The following NALCN variants were observed in gnomAD, a reference collection of about 807,000 sequenced individuals.
The protein encoded by NALCN is sodium leak channel, non-selective.
NALCN carries 111 observed loss-of-function variants against 225.3 expected under a neutral mutation model. The ratio of observed to expected loss-of-function variants is 0.49; its 90% CI spans 0.42 to 0.58. The LOEUF (loss-of-function observed/expected upper bound fraction) is 0.58. NALCN is among the 20% of genes least tolerant of loss of function. The probability of loss-of-function intolerance (pLI) is 0.00; values close to 1 mark genes in which losing one functional copy is unlikely to be tolerated. For missense variants in NALCN, 1,378 were observed against 2,202.4 expected (o/e 0.63, Z 7.49); for synonymous variants, 764 against 769.0 (o/e 0.99, Z 0.11).
chr13:101,215,419 T>C (rs1379100430), intron 13 of NALCN, among the ~76,000 whole-genome samples: 2 of 152,150 alleles, frequency 1.3e-5, no homozygotes, highest in African/African-American at 4.8e-5. Context: ...AGCTTAACAC[T>C]CATTTGTTAC....
intron 28 of NALCN, among the ~76,000 whole-genome samples, chr13:101,090,891 C>T (rs926326158): frequency 2.6e-5 from 4 of 152,132 alleles, no homozygotes; most frequent in Admixed American, 6.6e-5. Flanking sequence ...TTGAAGTCCC[C>T]GCTGTCCAGA....
At chr13:101,182,752 G>C (rs2039290526) in intron 14 of NALCN, among the ~76,000 whole-genome samples, 1 of 152,152 alleles carries the variant, frequency 6.6e-6, no homozygotes, top group African/African-American at 2.4e-5. Context: ...CCAAGGCTTT[G>C]GCTGTGTCTT....
chr13:101,226,823 A>T (rs917338941), intron 13 of NALCN, among the ~76,000 whole-genome samples: 14 of 152,158 alleles, frequency 9.2e-5, no homozygotes, highest in African/African-American at 3.1e-4. Flanking sequence ...GTCCCAGACC[A>T]GGTGCCTCTG....
intron 10 of NALCN, among the ~76,000 whole-genome samples, chr13:101,269,211 CATATATAT>C (rs60240326): frequency 0.61 from 89,151 of 145,438 alleles, 28,329 homozygotes; most frequent in Non-Finnish European, 0.71. Context: ...AGAAAAAGCT[CATATATAT>C]ATATATATAT....
intron 15 of NALCN, among the ~76,000 whole-genome samples, chr13:101,163,201 C>A (rs1304655428): frequency 6.8e-6 from 1 of 147,858 alleles, no homozygotes; most frequent in East Asian, 2.1e-4. Flanking sequence ...CCATGCCTGG[C>A]CTATATATAT....
At chr13:101,357,292 T>C (rs770982953) in intron 6 of NALCN, among the ~76,000 whole-genome samples, 3 of 152,118 alleles carry the variant, frequency 2.0e-5, no homozygotes, top group Non-Finnish European at 4.4e-5. Flanking sequence ...AACCCCATCA[T>C]CTCAGCCCGA....
In NALCN at chr13:101,224,314, C is replaced by T. The variant is rs558893774; in HGVS notation, c.1626+5079G>A. 3.3e-5 allele frequency among the ~76,000 whole-genome samples: 5 copies of T among 152,302 alleles called. No homozygotes were observed. In the East Asian group the frequency reaches 9.6e-4, roughly 29 times the overall value. On this transcript the variant is annotated intron_variant, in intron 13 of 43. Coordinates refer to ENST00000251127, the MANE Select transcript of NALCN (RefSeq NM_052867.4). ...GACCTTCAGTGGTACCCTTACAAAG[C>T]TCCCATTATACATGCTAATCAGTTT...
chr13:101,090,112 G>T, intron 28 of NALCN, 146 bp from the exon 29 acceptor site: 1 of 1,161,602 alleles, frequency 8.6e-7, no homozygotes, highest in Non-Finnish European at 1.2e-6. Context: ...ACGTGTGCGT[G>T]CACACACACA....
intron 10 of NALCN, among the ~76,000 whole-genome samples, chr13:101,266,677 A>G (rs77547858): frequency 2.3e-3 from 354 of 152,326 alleles, no homozygotes; most frequent in African/African-American, 8.4e-3. Flanking sequence ...AAATAAACTT[A>G]TTTGGAGAAC....
chr13:101,149,324 T>G (rs992695618), intron 15 of NALCN, among the ~76,000 whole-genome samples: 39 of 151,966 alleles, frequency 2.6e-4, no homozygotes, highest in Non-Finnish European at 5.6e-4. Flanking sequence ...AAGGGACATG[T>G]TGGAGAAATG....
chr13:101,310,988 A>G (rs1279840738), intron 7 of NALCN, among the ~76,000 whole-genome samples: 1 of 152,012 alleles, frequency 6.6e-6, no homozygotes, highest in Non-Finnish European at 1.5e-5. Flanking sequence ...CTTCCTACCC[A>G]TGAGCATGGA....
At chr13:101,407,343 A>G (rs568167301) in intron 1 of NALCN, among the ~76,000 whole-genome samples, 1 of 152,340 alleles carries the variant, frequency 6.6e-6, no homozygotes, top group African/African-American at 2.4e-5. Context: ...AGTTTGCAGA[A>G]AAGATTTCTC....
At chr13:101,114,274 T>A (rs912872731) in intron 18 of NALCN, among the ~76,000 whole-genome samples, 1 of 152,200 alleles carries the variant, frequency 6.6e-6, no homozygotes, top group African/African-American at 2.4e-5. Flanking sequence ...CCTTCTGACT[T>A]CACAGGGAGC....
At chr13:101,256,985 G>C (rs969276823) in intron 11 of NALCN, among the ~76,000 whole-genome samples, 8 of 151,896 alleles carry the variant, frequency 5.3e-5, no homozygotes, top group African/African-American at 1.9e-4. Flanking sequence ...GGCTTGTCTC[G>C]AACTCCTGAC....
At chr13:101,258,916 T>C (rs2042326608) in intron 10 of NALCN, among the ~76,000 whole-genome samples, 1 of 152,242 alleles carries the variant, frequency 6.6e-6, no homozygotes, top group Non-Finnish European at 1.5e-5. Flanking sequence ...TTTAAAAAGC[T>C]AGTAACACAA....
intron 15 of NALCN, among the ~76,000 whole-genome samples, chr13:101,147,354 CTT>C (rs34988610): frequency 0.12 from 15,234 of 124,682 alleles, 806 homozygotes; most frequent in East Asian, 0.34. Context: ...CTCTCTCTCT[CTT>C]TTTTTTTTTT....
chr13:101,098,391 A>G (rs768943965), intron 27 of NALCN, among the ~76,000 whole-genome samples: 9 of 152,174 alleles, frequency 5.9e-5, no homozygotes, highest in African/African-American at 1.4e-4. Flanking sequence ...CATTTCACCT[A>G]TCACAGTGCC....
intron 7 of NALCN, among the ~76,000 whole-genome samples, chr13:101,295,113 T>C (rs994030760): frequency 1.4e-4 from 22 of 152,246 alleles, no homozygotes; most frequent in South Asian, 2.1e-4. Context: ...AGTAAACTTA[T>C]AAGTTTCTTA....
intron 13 of NALCN, among the ~76,000 whole-genome samples, chr13:101,211,786 G>A (rs1198215504): frequency 1.3e-5 from 2 of 151,594 alleles, no homozygotes; most frequent in Non-Finnish European, 2.9e-5. Context: ...ATGAAACTGT[G>A]AAAGATTTGA....
Sources: gnomAD v4.1 joint callset for allele counts (sites outside exome capture counted in the v4.1 genomes callset) on GRCh38, gnomAD v4.1.1 for gene constraint, MANE v1.5 for transcripts, NCBI Gene and HGNC (gene_info 2026-07-23, HGNC 2026-07-21) for gene names.